The following C12orf42 variants were observed in gnomAD, a reference collection of about 807,000 sequenced individuals.
C12orf42 encodes the protein chromosome 12 open reading frame 42.
C12orf42 carries 25 observed loss-of-function variants against 21.6 expected under a neutral mutation model. That is an observed-to-expected ratio of 1.16 (90% CI 0.84 to 1.62). The LOEUF is 1.62. Among genes scored for constraint, C12orf42 ranks in the 40% most tolerant of loss-of-function variants. C12orf42 has a pLI of 0.00. For missense variants in C12orf42, 483 were observed against 459.3 expected, an observed-to-expected ratio of 1.05 and a Z score of -0.47; for synonymous variants, 174 against 175.0, an observed-to-expected ratio of 0.99 and a Z score of 0.05.
chr12:103,302,629 G>T, intron 5 of C12orf42, 70 bp from the exon 6 acceptor site: 1 of 1,286,078 alleles, frequency 7.8e-7, no homozygotes, highest in Non-Finnish European at 1.1e-6. Context: ...GCACCCCCGC[G>T]ACAACTGGAC....
At chr12:103,281,543 A>G (rs567382946) in intron 4 of C12orf42, among the ~76,000 whole-genome samples, 41 of 152,138 alleles carry the variant, frequency 2.7e-4, no homozygotes, top group Non-Finnish European at 4.6e-4. Flanking sequence ...TTTTTAGTAG[A>G]GACGGGGTTT....
At chr12:103,283,233 GCCAGAGAACA>G (rs2036240406) in intron 4 of C12orf42, among the ~76,000 whole-genome samples, 1 of 152,152 alleles carries the variant, frequency 6.6e-6, no homozygotes, top group South Asian at 2.1e-4. Flanking sequence ...GTAAGGTGCT[GCCAGAGAACA>G]CCAAAGTCAG....
At chr12:103,154,025 CAAAAAAAAA>C in the C12orf42 span, among the ~76,000 whole-genome samples, 3 of 51,668 alleles carry the variant, frequency 5.8e-5, no homozygotes, top group African/African-American at 1.3e-4. Context: ...CAAATCTCAG[CAAAAAAAAA>C]AAAAAAAAAA....
the C12orf42 span, among the ~76,000 whole-genome samples, chr12:103,086,710 A>G: frequency 1.7e-4 from 26 of 151,942 alleles, no homozygotes; most frequent in Non-Finnish European, 2.5e-4. Flanking sequence ...TTTAATACAT[A>G]TGTTTCTGAT....
intron 2 of C12orf42, among the ~76,000 whole-genome samples, chr12:103,418,277 G>C (rs1478135286): frequency 6.6e-6 from 1 of 151,974 alleles, no homozygotes. Context: ...CAAATCAAAG[G>C]ACATGAAAGC....
the C12orf42 span, among the ~76,000 whole-genome samples, chr12:103,118,254 A>G: frequency 6.6e-6 from 1 of 152,226 alleles, no homozygotes; most frequent in Non-Finnish European, 1.5e-5. Context: ...TGCCTGGTAC[A>G]CACACCAAAA....
At chr12:103,409,092 C>T (rs758358265) in intron 2 of C12orf42, among the ~76,000 whole-genome samples, 11 of 152,080 alleles carry the variant, frequency 7.2e-5, no homozygotes, top group Admixed American at 2.6e-4. Context: ...TTTAGGAACC[C>T]GCCAGTCTAG....
the C12orf42 span, chr12:103,559,755 A>G: frequency 2.0e-5 from 3 of 152,228 alleles, no homozygotes; most frequent in Non-Finnish European, 4.4e-5. Flanking sequence ...ACCACATACC[A>G]TTATGCTTGG....
intron 10 of C12orf42, among the ~76,000 whole-genome samples, chr12:103,248,426 C>A (rs987333374): frequency 6.6e-6 from 1 of 151,886 alleles, no homozygotes; most frequent in African/African-American, 2.4e-5. Context: ...TCGGAGCCAA[C>A]CAATAATTCA....
At chr12:103,457,750 T>C (rs11111589) in intron 2 of C12orf42, among the ~76,000 whole-genome samples, 31,593 of 152,112 alleles carry the variant, frequency 0.21, 4,166 homozygotes, top group African/African-American at 0.36. Flanking sequence ...TTCCCACAAG[T>C]TTCACGTTTA....
At chr12:103,380,425 C>T (rs1228808657) in intron 3 of C12orf42, among the ~76,000 whole-genome samples, 1 of 152,112 alleles carries the variant, frequency 6.6e-6, no homozygotes, top group Non-Finnish European at 1.5e-5. Context: ...AAAAGCACTT[C>T]TTGGCAAAAG....
chr12:103,167,249 G>C, the C12orf42 span, among the ~76,000 whole-genome samples: 1 of 152,274 alleles, frequency 6.6e-6, no homozygotes, highest in South Asian at 2.1e-4. Context: ...CCAAGGTCCT[G>C]TTCCAAAGAG....
chr12:103,141,646 C>T, the C12orf42 span, among the ~76,000 whole-genome samples: 9 of 151,814 alleles, frequency 5.9e-5, no homozygotes, highest in South Asian at 2.1e-4. Flanking sequence ...TCTCCTGCCT[C>T]GGCCTCCCAA....
At chr12:103,405,127 G>A (rs2048327591) in intron 2 of C12orf42, among the ~76,000 whole-genome samples, 1 of 152,112 alleles carries the variant, frequency 6.6e-6, no homozygotes. Flanking sequence ...AACACTCTCT[G>A]GGACTCTGTT....
At chr12:103,176,100 T>TC in the C12orf42 span, among the ~76,000 whole-genome samples, 1 of 151,264 alleles carries the variant, frequency 6.6e-6, no homozygotes, top group Admixed American at 6.6e-5. Context: ...ATATCCCACC[T>TC]CCCCCCAGTT....
At chr12:103,556,671 C>T in the C12orf42 span, among the ~76,000 whole-genome samples, 2 of 152,146 alleles carry the variant, frequency 1.3e-5, no homozygotes, top group Non-Finnish European at 2.9e-5. Flanking sequence ...ACAATCTTCA[C>T]AGGTTCTGTA....
chr12:103,387,901 T>A (rs984312872), intron 3 of C12orf42, among the ~76,000 whole-genome samples: 4 of 152,180 alleles, frequency 2.6e-5, no homozygotes, highest in African/African-American at 9.7e-5. Flanking sequence ...CCCTTTCCTC[T>A]CTCTTTTTTT....
At chr12:103,181,950 A>G in the C12orf42 span, among the ~76,000 whole-genome samples, 1 of 152,308 alleles carries the variant, frequency 6.6e-6, no homozygotes, top group African/African-American at 2.4e-5. Flanking sequence ...TTTTGCCACC[A>G]TGTCACTTGT....
chr12:103,498,473 T>C (rs1955628940), upstream of C12orf42, among the ~76,000 whole-genome samples: 1 of 152,226 alleles, frequency 6.6e-6, no homozygotes, highest in Non-Finnish European at 1.5e-5. Flanking sequence ...CAATGGGATA[T>C]TATTCAGACA....
Sources: allele counts gnomAD v4.1 joint callset (sites outside exome capture counted in the v4.1 genomes callset), GRCh38; gene constraint gnomAD v4.1.1; transcripts MANE v1.5; gene names NCBI Gene and HGNC (gene_info 2026-07-23, HGNC 2026-07-21).